Variants in OSBPL11 observed in about 807,000 individuals in gnomAD.
The protein encoded by OSBPL11 is oxysterol binding protein like 11, also known as oxysterol-binding protein-related protein 11.
In OSBPL11, 33 loss-of-function variants were observed where a neutral mutation model predicts 84.4. The ratio of observed to expected loss-of-function variants is 0.39; its 90% confidence interval spans 0.30 to 0.52. OSBPL11 has a LOEUF of 0.52. OSBPL11 is among the 20% of genes least tolerant of loss of function. The pLI, the probability that OSBPL11 is intolerant of heterozygous loss-of-function variation, is 0.72. For synonymous variants in OSBPL11, 276 were observed against 310.2 expected (o/e 0.89, Z 1.16); for missense variants, 736 against 901.1 (o/e 0.82, Z 2.35).
intron 4 of OSBPL11, among the ~76,000 whole-genome samples, chr3:125,577,023 A>G (rs1055633993): frequency 6.6e-6 from 1 of 152,312 alleles, no homozygotes; most frequent in East Asian, 1.9e-4. Flanking sequence ...ACTCAGCAAT[A>G]TAATACATTT....
intron 9 of OSBPL11, among the ~76,000 whole-genome samples, chr3:125,549,192 C>T (rs900070076): frequency 1.3e-5 from 2 of 151,920 alleles, no homozygotes; most frequent in East Asian, 3.9e-4. Context: ...TGGCTACTTT[C>T]TTTGTATTTT....
intron 10 of OSBPL11, among the ~76,000 whole-genome samples, chr3:125,541,129 G>T (rs1012384911): frequency 1.3e-5 from 2 of 152,116 alleles, no homozygotes; most frequent in African/African-American, 4.8e-5. Context: ...TACAAAAACA[G>T]GTGTCATTAA....
chr3:125,542,731 C>T (rs1410091963), intron 10 of OSBPL11, among the ~76,000 whole-genome samples: 4 of 152,152 alleles, frequency 2.6e-5, no homozygotes, highest in South Asian at 4.1e-4. Flanking sequence ...AGGATGGTCT[C>T]GATCTCCTGA....
chr3:125,538,554 A>T lies in OSBPL11; in HGVS notation c.1921T>A (p.Phe641Ile), dbSNP rs771678595. ...VQGEWNSVLEFTYSNGETKYV... is the reference protein window; with the variant it reads ...VQGEWNSVLEITYSNGETKYV... ...TTTGTCTCTCCATTGCTATATGTGA[A>T]CTCAAGAACACTATTCCATTCCCCT... Residue 641 changes from phenylalanine to isoleucine, a missense_variant, in exon 11 of 13, where the codon TTC (phenylalanine) becomes ATC (isoleucine). Transcript: ENST00000296220. The T allele has an allele frequency of 7.5e-5, 121 of 1,614,026 alleles. No homozygotes were observed. The highest frequency in any genetic ancestry group is 9.4e-5 in the Non-Finnish European group (111 of 1,180,014).
chr3:125,586,856 G>A (rs1936519718), intron 1 of OSBPL11, among the ~76,000 whole-genome samples: 1 of 152,148 alleles, frequency 6.6e-6, no homozygotes, highest in South Asian at 2.1e-4. Flanking sequence ...ACTTAAGATA[G>A]ATAAAAGTTT....
chr3:125,572,980 T>A (rs1294490235), intron 5 of OSBPL11, among the ~76,000 whole-genome samples: 1 of 147,950 alleles, frequency 6.8e-6, no homozygotes, highest in Non-Finnish European at 1.5e-5. Flanking sequence ...GTAAGATATA[T>A]ATCTATAGTA....
intron 5 of OSBPL11, among the ~76,000 whole-genome samples, chr3:125,568,430 C>CAAAAA (rs1052383358): frequency 1.2e-3 from 88 of 75,648 alleles, no homozygotes; most frequent in African/African-American, 4.2e-3. Context: ...GACTACGTCT[C>CAAAAA]AAAAAAAAAA....
intron 10 of OSBPL11, among the ~76,000 whole-genome samples, chr3:125,546,154 T>C (rs1935809523): frequency 6.7e-6 from 1 of 149,086 alleles, no homozygotes; most frequent in South Asian, 2.1e-4. Flanking sequence ...GGAAAGTCTA[T>C]TTCGTTTTTT....
chr3:125,588,366 G>A (rs1389758162), intron 1 of OSBPL11, among the ~76,000 whole-genome samples: 1 of 152,186 alleles, frequency 6.6e-6, no homozygotes, highest in East Asian at 1.9e-4. Flanking sequence ...TAACATCAGA[G>A]GTTGACGATA....
In OSBPL11 at chr3:125,529,503, A is replaced by G. The variant is rs1026719881; in HGVS notation, c.*1012T>C. 5.9e-5 allele frequency: 9 copies of G among 152,306 alleles called. No individual in the cohort carries two copies. The highest frequency in any genetic ancestry group is 2.2e-4 in the African/African-American group (9 of 41,396). The allele number at this position is 152,306 out of a possible 1,614,324, so 9.4% of individuals were successfully genotyped here. A position where few individuals can be genotyped will look rare whatever the true frequency, so the allele number is the denominator to read the frequency against. On this transcript the variant is annotated 3_prime_UTR_variant, in exon 13 of 13. Coordinates refer to ENST00000296220, the MANE Select transcript of OSBPL11 (RefSeq NM_022776.5). ...CTTACATGCGCGTTCAGTTACACAT[A>G]TAAGTTTTGAATTACTGACAAATAT...
At chr3:125,560,086 C>T (rs1234673807) in intron 8 of OSBPL11, among the ~76,000 whole-genome samples, 1 of 151,848 alleles carries the variant, frequency 6.6e-6, no homozygotes, top group Admixed American at 6.6e-5. Flanking sequence ...ATGGTGAAAC[C>T]CCATCTCTAC....
intron 9 of OSBPL11, among the ~76,000 whole-genome samples, chr3:125,551,707 G>A (rs564399082): frequency 6.6e-6 from 1 of 152,214 alleles, no homozygotes; most frequent in Non-Finnish European, 1.5e-5. Context: ...GAACCTGGGA[G>A]GCGGAGTTTG....
At chr3:125,588,866 A>C (rs573699477) in intron 1 of OSBPL11, among the ~76,000 whole-genome samples, 3 of 152,348 alleles carry the variant, frequency 2.0e-5, no homozygotes, top group East Asian at 3.9e-4. Context: ...CCTCCTCCCC[A>C]AAAAATTCAA....
At chr3:125,592,433 CA>C (rs1004974509) in intron 1 of OSBPL11, among the ~76,000 whole-genome samples, 3 of 151,234 alleles carry the variant, frequency 2.0e-5, no homozygotes, top group Admixed American at 1.3e-4. Flanking sequence ...TTCTGTGTGT[CA>C]AAAAAAATGA....
At chr3:125,576,386 T>C (rs763374697) in intron 4 of OSBPL11, 21 bp from the exon 5 acceptor site, 2 of 1,525,176 alleles carry the variant, frequency 1.3e-6, no homozygotes, top group South Asian at 1.3e-5. Flanking sequence ...AAGAAAATCA[T>C]TCCTTTTGTT....
intron 4 of OSBPL11, among the ~76,000 whole-genome samples, 184 bp from the exon 5 acceptor site, chr3:125,576,549 A>G (rs150504758): frequency 2.8e-4 from 43 of 152,368 alleles, no homozygotes; most frequent in African/African-American, 9.4e-4. Flanking sequence ...AGCATTTTAC[A>G]TATCCCAAAG....
chr3:125,582,346 A>G (rs986240968), intron 2 of OSBPL11, among the ~76,000 whole-genome samples: 2 of 152,206 alleles, frequency 1.3e-5, no homozygotes. Context: ...AAAAAAAAAA[A>G]AAATTCATGT....
intron 10 of OSBPL11, among the ~76,000 whole-genome samples, chr3:125,546,817 G>A (rs1004906329): frequency 6.6e-6 from 1 of 151,994 alleles, no homozygotes; most frequent in Non-Finnish European, 1.5e-5. Context: ...TTGAACCCAG[G>A]AGGCGGCTGC....
chr3:125,584,965 TG>T (rs372154081), intron 1 of OSBPL11, among the ~76,000 whole-genome samples: 1 of 151,894 alleles, frequency 6.6e-6, no homozygotes, highest in African/African-American at 2.4e-5. Flanking sequence ...TTTGTGGGGA[TG>T]GGGGGGTCTC....
Sources: allele counts gnomAD v4.1 joint callset (sites outside exome capture counted in the v4.1 genomes callset), GRCh38; gene constraint gnomAD v4.1.1; transcripts MANE v1.5; gene names NCBI Gene and HGNC (gene_info 2026-07-23, HGNC 2026-07-21).